Variants in TASP1 observed in about 807,000 individuals in gnomAD.
TASP1 encodes taspase 1.
In TASP1, 16 loss-of-function variants were observed where a neutral mutation model predicts 56.6. The observed-to-expected ratio is 0.28, with a 90% CI of 0.19 to 0.43. TASP1 has a LOEUF of 0.43. Among genes scored for constraint, TASP1 ranks in the 20% least tolerant of loss-of-function variants. The pLI, the probability that TASP1 is intolerant of heterozygous loss-of-function variation, is 1.00. For missense variants in TASP1, 393 were observed against 511.6 expected, an observed-to-expected ratio of 0.77 and a Z score of 2.24; for synonymous variants, 179 against 184.2, an observed-to-expected ratio of 0.97 and a Z score of 0.23.
intron 10 of TASP1, among the ~76,000 whole-genome samples, chr20:13,491,407 G>C (rs1462903419): frequency 6.6e-6 from 1 of 152,134 alleles, no homozygotes; most frequent in Non-Finnish European, 1.5e-5. Flanking sequence ...TTAGTAAAGG[G>C]GAAAGCAAAG....
chr20:13,276,482 G>A, the TASP1 span, among the ~76,000 whole-genome samples: 1 of 152,140 alleles, frequency 6.6e-6, no homozygotes, highest in Non-Finnish European at 1.5e-5. Context: ...CACTTCTTTT[G>A]GACTCTCTTT....
At chr20:13,224,478 T>TAA in the TASP1 span, among the ~76,000 whole-genome samples, 11 of 152,204 alleles carry the variant, frequency 7.2e-5, no homozygotes, top group Non-Finnish European at 1.6e-4. Flanking sequence ...CCAGACATTT[T>TAA]AAACCCAAGT....
intron 7 of TASP1, among the ~76,000 whole-genome samples, chr20:13,563,600 C>T (rs28444692): frequency 0.21 from 32,131 of 151,282 alleles, 3,550 homozygotes; most frequent in Middle Eastern, 0.28. Flanking sequence ...AAGCAAAGGT[C>T]GTTCAACATA....
chr20:13,144,250 G>T, the TASP1 span, among the ~76,000 whole-genome samples: 1 of 152,140 alleles, frequency 6.6e-6, no homozygotes, highest in East Asian at 1.9e-4. Flanking sequence ...TTGGGCACTT[G>T]ATTTTCTATC....
chr20:13,327,274 A>C, the TASP1 span, among the ~76,000 whole-genome samples: 2 of 152,196 alleles, frequency 1.3e-5, no homozygotes, highest in African/African-American at 4.8e-5. Context: ...GAACCTCTTC[A>C]AGGAGAACTA....
chr20:13,394,206 C>G (rs983553831), intron 13 of TASP1, among the ~76,000 whole-genome samples: 1 of 148,176 alleles, frequency 6.7e-6, no homozygotes, highest in African/African-American at 2.6e-5. Context: ...ATCGCTTGAA[C>G]CCAGGAGGCA....
chr20:13,264,933 T>C, the TASP1 span, among the ~76,000 whole-genome samples: 5 of 152,082 alleles, frequency 3.3e-5, no homozygotes, highest in African/African-American at 1.2e-4. Context: ...TCAGCAAACC[T>C]CCAAGTGCCC....
chr20:13,568,423 TA>T (rs1350863077), intron 7 of TASP1, among the ~76,000 whole-genome samples: 3 of 152,172 alleles, frequency 2.0e-5, no homozygotes, highest in African/African-American at 7.2e-5. Flanking sequence ...AATTTTTATT[TA>T]AAAAATAGTG....
At chr20:13,136,942 A>G in the TASP1 span, among the ~76,000 whole-genome samples, 10 of 152,164 alleles carry the variant, frequency 6.6e-5, no homozygotes, top group South Asian at 2.1e-3. Context: ...AACTACTTCA[A>G]TTCTCTACTT....
chr20:13,157,663 A>AG, the TASP1 span, among the ~76,000 whole-genome samples: 1 of 151,534 alleles, frequency 6.6e-6, no homozygotes, highest in African/African-American at 2.4e-5. Context: ...CACTACAAAC[A>AG]GAAAAAAAAA....
At chr20:13,227,720 G>A in the TASP1 span, among the ~76,000 whole-genome samples, 1 of 151,272 alleles carries the variant, frequency 6.6e-6, no homozygotes, top group East Asian at 1.9e-4. Flanking sequence ...CTGTTAGCCA[G>A]GATGGTCTCG....
chr20:13,217,037 T>A, the TASP1 span, among the ~76,000 whole-genome samples: 1 of 152,164 alleles, frequency 6.6e-6, no homozygotes, highest in Non-Finnish European at 1.5e-5. Flanking sequence ...AATCCCTAAA[T>A]ACTAATCATT....
At chr20:13,316,386 C>T in the TASP1 span, among the ~76,000 whole-genome samples, 1 of 151,926 alleles carries the variant, frequency 6.6e-6, no homozygotes, top group Non-Finnish European at 1.5e-5. Flanking sequence ...TATTTCAATT[C>T]TCTACAATAT....
the TASP1 span, among the ~76,000 whole-genome samples, chr20:13,235,710 T>C: frequency 7.9e-5 from 12 of 152,298 alleles, no homozygotes; most frequent in Admixed American, 3.9e-4. Flanking sequence ...AGAATGGTTG[T>C]CCTTTCACTG....
chr20:13,520,772 T>C (rs564531170), intron 10 of TASP1, among the ~76,000 whole-genome samples: 6 of 152,126 alleles, frequency 3.9e-5, no homozygotes, highest in Non-Finnish European at 7.4e-5. Flanking sequence ...AATTGACAAA[T>C]GGGATCTAAT....
At chr20:13,529,066 G>A (rs1457028647) in intron 9 of TASP1, among the ~76,000 whole-genome samples, 1 of 152,070 alleles carries the variant, frequency 6.6e-6, no homozygotes, top group Admixed American at 6.6e-5. Flanking sequence ...CTGTGTTGAC[G>A]TGGCACAAGA....
At chr20:13,501,710 G>A (rs1219708972) in intron 10 of TASP1, among the ~76,000 whole-genome samples, 1 of 151,850 alleles carries the variant, frequency 6.6e-6, no homozygotes, top group African/African-American at 2.4e-5. Flanking sequence ...CATGTAAAAG[G>A]CACGGGTTAT....
the TASP1 span, among the ~76,000 whole-genome samples, chr20:13,143,074 A>T: frequency 6.6e-6 from 1 of 152,214 alleles, no homozygotes; most frequent in African/African-American, 2.4e-5. Context: ...CTCTGTGATC[A>T]TCTGCTTCAA....
the TASP1 span, among the ~76,000 whole-genome samples, chr20:13,333,217 T>A: frequency 6.6e-6 from 1 of 152,328 alleles, no homozygotes; most frequent in South Asian, 2.1e-4. Flanking sequence ...AACAATAAAG[T>A]GATTCTGCAC....
Sources: gnomAD v4.1 joint callset for allele counts (sites outside exome capture counted in the v4.1 genomes callset) on GRCh38, gnomAD v4.1.1 for gene constraint, MANE v1.5 for transcripts, NCBI Gene and HGNC (gene_info 2026-07-23, HGNC 2026-07-21) for gene names.